The following ADORA3 variants were observed in gnomAD, a reference collection of about 807,000 sequenced individuals.
ADORA3 encodes adenosine A3 receptor.
ADORA3 carries 3 observed loss-of-function variants against 5.7 expected under a neutral mutation model. That is an observed-to-expected ratio of 0.52 (90% CI 0.24 to 1.35). ADORA3 has a LOEUF of 1.35. Among genes scored for constraint, ADORA3 ranks in the 40% most tolerant of loss-of-function variants. The pLI, the probability that ADORA3 is intolerant of heterozygous loss-of-function variation, is 0.17. For synonymous variants in ADORA3, 168 were observed against 152.3 expected (o/e 1.10, Z -0.76); for missense variants, 343 against 389.0 (o/e 0.88, Z 0.99).
Position 111,503,216 on chromosome 1 carries a change from T to C in ADORA3, c.139A>G (p.Thr47Ala), listed in dbSNP as rs1271688229. 6.2e-7 allele frequency: 1 copy of C among 1,614,222 alleles called. No individual in the cohort carries two copies. The highest frequency in any genetic ancestry group is 1.1e-5 in the South Asian group (1 of 91,076). The stretch of plus-strand genomic sequence containing the variant: ...GCTAGAGAGACAATGAAATAGAAGG[T>C]GGTGGTCTGCAGGCTGGGGTTCAGC... ...VKLNPSLQTTTFYFIVSLALA... is the reference protein window; with the variant it reads ...VKLNPSLQTTAFYFIVSLALA... Residue 47 changes from threonine (T) to alanine (A), a missense_variant, in exon 1 of 2, where the codon ACC (threonine) becomes GCC (alanine). Physicochemically the swap from Thr to Ala is moderately conservative, Grantham distance 58. Transcript: ENST00000241356.
At position 111,503,623 on chromosome 1, in the gene ADORA3, C is replaced by G; in HGVS notation, c.-269G>C. ...GTTTCCAGAATGCTGTAGGACAGCT[C>G]TATATGGACTGAATCTGAAAGTGCT... On this transcript the variant is annotated 5_prime_UTR_variant, in exon 1 of 2. Coordinates refer to ENST00000241356, the MANE Select transcript of ADORA3 (RefSeq NM_000677.4). 8.1e-7 allele frequency: 1 copy of G among 1,228,040 alleles called. No homozygotes were observed. The highest frequency in any genetic ancestry group is 1.0e-6 in the Non-Finnish European group (1 of 975,128). The allele number at this position is 1,228,040 out of a possible 1,614,324, so 76.1% of individuals were successfully genotyped here.
Position 111,503,346 on chromosome 1 carries a change from G to C in ADORA3, c.9C>G (p.Asn3Lys). Residue 3 changes from asparagine (N) to lysine (K), a missense_variant, in exon 1 of 2, where the codon AAC (asparagine) becomes AAG (lysine). Transcript: ENST00000241356. Reference protein sequence around the residue: MPNNSTALSLANV... With the variant: MPKNSTALSLANV... ...TGGCCAATGACAGAGCAGTGCTGTT[G>C]TTGGGCATCTTGCCTTCCCAGGGGA... 1 of 1,609,072 alleles carries C rather than the reference G, an allele frequency of 6.2e-7. No homozygotes were observed. Among genetic ancestry groups the C allele is most frequent in the Non-Finnish European group, 8.5e-7 (1 of 1,176,290 alleles).
In ADORA3 at chr1:111,503,459, T is replaced by G. The variant is rs41282520; in HGVS notation, c.-105A>C. ...CCAGACGTCTTCCCAGAGGTCCATG[T>G]GCAGTGACAGTCTAAAATTCCCAAC... On this transcript the variant is annotated 5_prime_UTR_variant, in exon 1 of 2. Transcript: ENST00000241356. 3.5e-3 allele frequency: 5,087 copies of G among 1,469,550 alleles called. 29 individuals are homozygous for G. The highest frequency in any genetic ancestry group is 3.3e-3 in the Non-Finnish European group (3,698 of 1,107,586). 91.0% of individuals were successfully genotyped at this position (1,469,550 alleles called of 1,614,324 possible).
At position 111,503,374 on chromosome 1, in the gene ADORA3, C is replaced by A. The variant is rs1655355590; in HGVS notation, c.-20G>T. The A allele has an allele frequency of 1.3e-6, 2 of 1,594,010 alleles. No individual in the cohort carries two copies. The highest frequency in any genetic ancestry group is 1.3e-5 in the African/African-American group (1 of 74,716). On this transcript the variant is annotated 5_prime_UTR_variant, in exon 1 of 2. It adds an upstream start codon to the 5' untranslated region. Transcript: ENST00000241356. ...GGGCATCTTGCCTTCCCAGGGGAAC[C>A]TCCACAGGGACAGGTGAGCCAGCAA...
Position 111,500,337 on chromosome 1 carries a change from C to T in ADORA3, c.570G>A (p.Leu190=). 2 of 1,614,176 alleles carry T rather than the reference C, an allele frequency of 1.2e-6. No homozygotes were observed. Among genetic ancestry groups the T allele is most frequent in the Non-Finnish European group, 1.7e-6 (2 of 1,180,034 alleles). The change falls in exon 2 of 2, where the codon CTG becomes CTA. Residue 190 remains leucine, a synonymous_variant. Coordinates refer to ENST00000241356, the MANE Select transcript of ADORA3 (RefSeq NM_000677.4). ...CAAGATAGATGGCGCACATGACAAC[C>T]AGGGGGATGAAAATCCAGGTGAGGA... ...FSFLTWIFIP[L]VVMCAIYLDI... is the part of the protein sequence containing the mutation.
In ADORA3 at chr1:111,500,237, G is replaced by C; in HGVS notation, c.670C>G (p.Arg224Gly). Residue 224 changes from arginine (R) to glycine (G), a missense_variant, in exon 2 of 2, where the codon CGG becomes GGG. Physicochemically the swap from Arg to Gly is moderately radical, Grantham distance 125. Coordinates refer to ENST00000241356, the MANE Select transcript of ADORA3 (RefSeq NM_000677.4). ...AAGGACTTAGCCGTCTTGAACTCCC[G>C]TCCATAAAATGCACCTGTCTCTTTG... ...NSKETGAFYG[R>G]EFKTAKSLFL... The C allele has an allele frequency of 1.9e-6, 3 of 1,614,120 alleles. No homozygotes were observed. The highest frequency in any genetic ancestry group is 2.5e-6 in the Non-Finnish European group (3 of 1,180,026).
Position 111,500,272 on chromosome 1 carries a change from A to G in ADORA3, c.635T>C (p.Leu212Ser), listed in dbSNP as rs775914405. Residue 212 changes from leucine (L) to serine (S), a missense_variant, in exon 2 of 2, where the codon TTA (leucine) becomes TCA (serine). Physicochemically the swap from Leu to Ser is moderately radical, Grantham distance 145. Coordinates refer to ENST00000241356, the MANE Select transcript of ADORA3 (RefSeq NM_000677.4). ...TGCACCTGTCTCTTTGGAGTTAGATAAGTTCAGACTGAGTTTGTTCCGAAT... is the reference window on the plus strand; with the variant it reads ...TGCACCTGTCTCTTTGGAGTTAGATGAGTTCAGACTGAGTTTGTTCCGAAT... Reference protein sequence around the residue: ...YIIRNKLSLNLSNSKETGAFY... With the variant: ...YIIRNKLSLNSSNSKETGAFY... The G allele has an allele frequency of 6.2e-7, 1 of 1,614,226 alleles. No individual in the cohort carries two copies. The highest frequency in any genetic ancestry group is 1.1e-5 in the South Asian group (1 of 91,084).
rs773080987 is a variant in ADORA3 at position 111,503,276 on chromosome 1, T to C, written c.79A>G (p.Ile27Val). ...TMEIFIGLCA[I>V]VGNVLVICVV... Reference sequence around the variant, plus strand: ...CAGATGACCAGCACGTTGCCCACTATGGCGCAGAGTCCAATGAAAATTTCC... The same window carrying C: ...CAGATGACCAGCACGTTGCCCACTACGGCGCAGAGTCCAATGAAAATTTCC... Residue 27 changes from isoleucine (I) to valine (V), a missense_variant, in exon 1 of 2, where the codon ATA becomes GTA. Transcript: ENST00000241356. The C allele has an allele frequency of 1.2e-6, 2 of 1,614,232 alleles. No individual in the cohort carries two copies. The highest frequency in any genetic ancestry group is 1.6e-4 in the Middle Eastern group (1 of 6,062).
At chr1:111,502,572 A>T (rs575999242) in intron 1 of ADORA3, among the ~76,000 whole-genome samples, 39 of 149,734 alleles carry the variant, frequency 2.6e-4, no homozygotes, top group Non-Finnish European at 2.1e-4. Flanking sequence ...TAAAATAATA[A>T]CCTACATTTG....
Position 111,501,580 on chromosome 1 carries a change from G to C in ADORA3, c.351-1024C>G, listed in dbSNP as rs140810549. On this transcript the variant is annotated intron_variant, in intron 1 of 1. Transcript: ENST00000241356. ...TATGTTAACGCATTTCATTTTATGA[G>C]GATAGTGCAATTATCCCCATTTTGT... is the stretch of plus-strand genomic sequence containing the variant. Among the ~76,000 whole-genome samples the C allele has an allele frequency of 3.9e-4, 59 of 152,244 alleles. No homozygotes were observed. In the East Asian group the frequency reaches 8.5e-3, roughly 22 times the overall value.
chr1:111,500,187 A>G lies in ADORA3; in HGVS notation c.720T>C (p.Ala240=). The G allele has an allele frequency of 6.2e-7, 1 of 1,614,230 alleles. No individual in the cohort carries two copies. ...TGATAGATAAAGGCAGCCATGACAG[A>G]GCAAACAAGAAAAGAACCAGAAACA... ...KSLFLVLFLF[A]LSWLPLSIIN... The change falls in exon 2 of 2, where the codon GCT becomes GCC. Residue 240 remains alanine, a synonymous_variant. Coordinates refer to ENST00000241356, the MANE Select transcript of ADORA3 (RefSeq NM_000677.4).
At chr1:111,502,230 G>A (rs745637559) in intron 1 of ADORA3, among the ~76,000 whole-genome samples, 230 of 17,136 alleles carry the variant, frequency 0.013, 35 homozygotes, top group African/African-American at 0.027. Context: ...TTATTATAAT[G>A]AATATATAGG....
chr1:111,499,848 A>G lies in ADORA3; in HGVS notation c.*102T>C. ...AGATGCTCCCACCTCAGTGGAAGTAATCAAGGATGTAAAAATCCCTTGGCC... is the reference window on the plus strand; with the variant it reads ...AGATGCTCCCACCTCAGTGGAAGTAGTCAAGGATGTAAAAATCCCTTGGCC... On this transcript the variant is annotated 3_prime_UTR_variant, in exon 2 of 2. Transcript: ENST00000241356. The G allele has an allele frequency of 6.5e-7, 1 of 1,539,070 alleles. No homozygotes were observed. Among genetic ancestry groups the G allele is most frequent in the African/African-American group, 1.4e-5 (1 of 72,650 alleles).
intron 1 of ADORA3, 127 bp from the exon 2 acceptor site, chr1:111,500,683 G>T: frequency 1.1e-6 from 1 of 928,650 alleles, no homozygotes; most frequent in Non-Finnish European, 1.6e-6. Flanking sequence ...CCAATCTTCT[G>T]CTAAGAGAGG....
Position 111,499,812 on chromosome 1 carries a change from G to A in ADORA3, c.*138C>T, listed in dbSNP as rs1163579799. 4.0e-6 allele frequency: 6 copies of A among 1,494,062 alleles called. No individual in the cohort carries two copies. The highest frequency in any genetic ancestry group is 1.4e-5 in the African/African-American group (1 of 71,592). 92.6% of individuals were successfully genotyped at this position (1,494,062 alleles called of 1,614,324 possible). A position where few individuals can be genotyped will look rare whatever the true frequency, so the allele number is the denominator to read the frequency against. The stretch of plus-strand genomic sequence containing the variant: ...TAGTGGAGTGGGGGAGATATAATTG[G>A]GGAGCACTGGAGATGCTCCCACCTC... On this transcript the variant is annotated 3_prime_UTR_variant, in exon 2 of 2. Transcript: ENST00000241356.
In ADORA3 at chr1:111,500,480, A is replaced by G; in HGVS notation, c.427T>C (p.Leu143=). 1 of 1,614,162 alleles carries G rather than the reference A, an allele frequency of 6.2e-7. No homozygotes were observed. Among genetic ancestry groups the G allele is most frequent in the Non-Finnish European group, 8.5e-7 (1 of 1,179,988 alleles). ...LCWLVSFLVG[L]TPMFGWNMKL... ...ATGTTCCAGCCAAACATGGGGGTCA[A>G]TCCCACCAGGAATGACACCAGCCAG... Residue 143 remains leucine, a synonymous_variant, in exon 2 of 2, where the codon TTG becomes CTG. Transcript: ENST00000241356.
At position 111,503,538 on chromosome 1, in the gene ADORA3, T is replaced by C; in HGVS notation, c.-184A>G. 1.4e-6 allele frequency: 2 copies of C among 1,416,200 alleles called. No homozygotes were observed. Among genetic ancestry groups the C allele is most frequent in the Non-Finnish European group, 1.8e-6 (2 of 1,087,816 alleles). The allele number at this position is 1,416,200 out of a possible 1,614,324, so 87.7% of individuals were successfully genotyped here. ...GTGATCTCTTGGAAACCCTTCTCCT[T>C]AGAAAGGGCTCATCACAGGTGGGTC... On this transcript the variant is annotated 5_prime_UTR_variant, in exon 1 of 2. It removes the in-frame stop codon of an upstream open reading frame in the 5' UTR. Coordinates refer to ENST00000241356, the MANE Select transcript of ADORA3 (RefSeq NM_000677.4).
chr1:111,499,698 A>G lies in ADORA3; in HGVS notation c.*252T>C. 2 of 1,284,034 alleles carry G rather than the reference A, an allele frequency of 1.6e-6. No homozygotes were observed. The highest frequency in any genetic ancestry group is 2.0e-6 in the Non-Finnish European group (2 of 1,007,866). The allele number at this position is 1,284,034 out of a possible 1,614,324, so 79.5% of individuals were successfully genotyped here. ...TTGGGAAGAAGGAAAACAGACAATA[A>G]TATCAATAATACGTTGTCCCCAAGT... On this transcript the variant is annotated 3_prime_UTR_variant, in exon 2 of 2. Coordinates refer to ENST00000241356, the MANE Select transcript of ADORA3 (RefSeq NM_000677.4).
rs377261072 is a variant in ADORA3 at position 111,500,522 on chromosome 1, G to C, written c.385C>G (p.Leu129Val). ...ACCAGCCAGCAAAGGCCCAGGGCCA[G>C]CCATATTCTTCTGTGAGTGGTGACC... is the stretch of plus-strand genomic sequence containing the variant. The part of the protein sequence containing the change: ...KRVTTHRRIW[L>V]ALGLCWLVSF... Residue 129 changes from leucine to valine, a missense_variant, in exon 2 of 2, where the codon CTG becomes GTG. Coordinates refer to ENST00000241356, the MANE Select transcript of ADORA3 (RefSeq NM_000677.4). 5 of 1,614,100 alleles carry C rather than the reference G, an allele frequency of 3.1e-6. No homozygotes were observed. In the African/African-American group the frequency reaches 6.7e-5, roughly 22 times the overall value.
Sources: gnomAD v4.1 joint callset for allele counts (sites outside exome capture counted in the v4.1 genomes callset) on GRCh38, gnomAD v4.1.1 for gene constraint, MANE v1.5 for transcripts, NCBI Gene and HGNC (gene_info 2026-07-23, HGNC 2026-07-21) for gene names.